Variants in GAS2 observed in about 807,000 individuals in gnomAD.
The protein encoded by GAS2 is growth arrest-specific protein 2.
GAS2 carries 20 observed loss-of-function variants against 37.5 expected under a neutral mutation model. The ratio of observed to expected loss-of-function variants is 0.53; its 90% CI spans 0.37 to 0.77. The LOEUF is 0.77. Among genes scored for constraint, GAS2 ranks in the 30% least tolerant of loss-of-function variants. GAS2 has a pLI of 0.00. For synonymous variants in GAS2, 144 were observed against 132.2 expected (o/e 1.09, Z -0.61); for missense variants, 336 against 373.4 (o/e 0.90, Z 0.82).
chr11:22,798,103 C>T (rs1420121064), intron 7 of GAS2, among the ~76,000 whole-genome samples: 1 of 152,010 alleles, frequency 6.6e-6, no homozygotes, highest in Admixed American at 6.6e-5. Context: ...TTGGGCAATT[C>T]ACTTAACCTT....
intron 7 of GAS2, among the ~76,000 whole-genome samples, chr11:22,782,520 G>A (rs950520284): frequency 6.6e-6 from 1 of 151,934 alleles, no homozygotes; most frequent in South Asian, 2.1e-4. Context: ...CAGGTAGTAA[G>A]CATAGTATCC....
intron 7 of GAS2, among the ~76,000 whole-genome samples, chr11:22,802,772 T>C (rs1401429470): frequency 6.6e-6 from 1 of 152,134 alleles, no homozygotes; most frequent in African/African-American, 2.4e-5. Context: ...AATATAGTCA[T>C]GTACTCTATA....
At chr11:22,694,218 G>A (rs1274872090) in intron 3 of GAS2, among the ~76,000 whole-genome samples, 4 of 152,080 alleles carry the variant, frequency 2.6e-5, no homozygotes, top group Middle Eastern at 3.4e-3. Flanking sequence ...ACTTCCCAAG[G>A]CCCCATGATT....
At chr11:22,767,160 A>C (rs764788777) in intron 7 of GAS2, among the ~76,000 whole-genome samples, 8 of 152,118 alleles carry the variant, frequency 5.3e-5, no homozygotes, top group Non-Finnish European at 8.8e-5. Flanking sequence ...CTTAATTATT[A>C]CTGTATGACA....
intron 3 of GAS2, among the ~76,000 whole-genome samples, chr11:22,712,666 TAC>T (rs1370554039): frequency 2.6e-5 from 4 of 152,146 alleles, no homozygotes; most frequent in African/African-American, 9.7e-5. Flanking sequence ...CAAAAGATCA[TAC>T]TAGCTGTCCA....
intron 1 of GAS2, among the ~76,000 whole-genome samples, chr11:22,641,282 C>CTATATCTTTATATA (rs1250358178): frequency 2.3e-5 from 2 of 86,242 alleles, no homozygotes; most frequent in Admixed American, 1.3e-4. Context: ...TTATATATAT[C>CTATATCTTTATATA]TATATCTTTA....
At chr11:22,644,257 C>A (rs1356507532) in intron 1 of GAS2, among the ~76,000 whole-genome samples, 1 of 152,078 alleles carries the variant, frequency 6.6e-6, no homozygotes, top group South Asian at 2.1e-4. Flanking sequence ...CTGTTAATAT[C>A]ATTAATGTCA....
chr11:22,718,637 C>T (rs974327706), intron 3 of GAS2, among the ~76,000 whole-genome samples: 1 of 151,724 alleles, frequency 6.6e-6, no homozygotes, highest in African/African-American at 2.4e-5. Context: ...TAATGGAACA[C>T]CACCTGTTTC....
At chr11:22,726,695 T>C (rs1380357216) in intron 4 of GAS2, among the ~76,000 whole-genome samples, 1 of 152,080 alleles carries the variant, frequency 6.6e-6, no homozygotes, top group Non-Finnish European at 1.5e-5. Flanking sequence ...AAGCTAAATA[T>C]AAGGGCCATT....
chr11:22,644,034 T>G (rs1848660455), intron 1 of GAS2, among the ~76,000 whole-genome samples: 1 of 152,070 alleles, frequency 6.6e-6, no homozygotes, highest in African/African-American at 2.4e-5. Flanking sequence ...ATAAAAAAGC[T>G]AAGAAAATGG....
chr11:22,707,542 G>C (rs547708944), intron 3 of GAS2, among the ~76,000 whole-genome samples: 1 of 152,108 alleles, frequency 6.6e-6, no homozygotes, highest in Non-Finnish European at 1.5e-5. Context: ...ATACTTAGTA[G>C]GTTCTTGTAA....
chr11:22,645,845 CTTTTTTTTT>C (rs71037516), intron 1 of GAS2, among the ~76,000 whole-genome samples: 1 of 111,440 alleles, frequency 9.0e-6, no homozygotes, highest in Non-Finnish European at 1.9e-5. Flanking sequence ...CTTTTCTTTT[CTTTTTTTTT>C]TTTTTTGAGA....
In GAS2 at chr11:22,785,510, A is replaced by G. The variant is rs148209829; in HGVS notation, c.724-26288A>G. Among the ~76,000 whole-genome samples the G allele has an allele frequency of 2.9e-3, 439 of 152,318 alleles. 2 individuals carry two copies. Among genetic ancestry groups the G allele is most frequent in the African/African-American group, 9.9e-3 (412 of 41,578 alleles). ...AGAACAATATTACATACAGAACAGA[A>G]TAATGTATGTGTTGATTAAAGGACT... On this transcript the variant is annotated intron_variant, in intron 7 of 7. Coordinates refer to ENST00000454584, the MANE Select transcript of GAS2 (RefSeq NM_001143830.3).
chr11:22,646,637 C>T (rs1043584781), intron 1 of GAS2, among the ~76,000 whole-genome samples: 7 of 152,124 alleles, frequency 4.6e-5, no homozygotes, highest in African/African-American at 7.2e-5. Flanking sequence ...GAGAAAGGCA[C>T]GGTATTTTAG....
chr11:22,767,942 T>C (rs1012259992), intron 7 of GAS2, among the ~76,000 whole-genome samples: 1 of 152,218 alleles, frequency 6.6e-6, no homozygotes, highest in African/African-American at 2.4e-5. Flanking sequence ...ATTTTGAATT[T>C]CACCACCTCA....
chr11:22,682,998 G>A (rs1192151948), intron 2 of GAS2, among the ~76,000 whole-genome samples: 3 of 150,968 alleles, frequency 2.0e-5, no homozygotes, highest in Non-Finnish European at 4.4e-5. Flanking sequence ...TTTCTGAACT[G>A]AGCTGCACAC....
intron 2 of GAS2, among the ~76,000 whole-genome samples, chr11:22,685,388 A>G (rs754255684): frequency 3.0e-4 from 46 of 152,188 alleles, no homozygotes; most frequent in Non-Finnish European, 5.4e-4. Context: ...TTACTAAATG[A>G]TGGAACTCTT....
chr11:22,710,023 G>T (rs933660097), intron 3 of GAS2, among the ~76,000 whole-genome samples: 1 of 140,868 alleles, frequency 7.1e-6, no homozygotes, highest in East Asian at 2.4e-4. Flanking sequence ...GGGGTAGGGG[G>T]AGGGGGGAGG....
chr11:22,626,009 G>C, intron 1 of GAS2: 2 of 674,114 alleles, frequency 3.0e-6, no homozygotes, highest in Non-Finnish European at 5.2e-6. Flanking sequence ...GCCACACAAA[G>C]AGGTTCTTCT....
Sources: allele counts gnomAD v4.1 joint callset (sites outside exome capture counted in the v4.1 genomes callset), GRCh38; gene constraint gnomAD v4.1.1; transcripts MANE v1.5; gene names NCBI Gene and HGNC (gene_info 2026-07-23, HGNC 2026-07-21).